Variants in IL1RAPL1 observed in about 807,000 individuals in gnomAD.
IL1RAPL1 encodes interleukin-1 receptor accessory protein-like 1.
Under a neutral mutation model 48.4 loss-of-function variants are expected in IL1RAPL1, and 3 were observed. The observed-to-expected ratio is 0.06, with a 90% CI of 0.03 to 0.16. The LOEUF (loss-of-function observed/expected upper bound fraction) is 0.16. Ranked by LOEUF, IL1RAPL1 falls within the 10% of genes least tolerant of loss-of-function variation. IL1RAPL1 has a pLI of 1.00. For synonymous variants in IL1RAPL1, 185 were observed against 187.7 expected (o/e 0.99, Z 0.12); for missense variants, 349 against 530.6 (o/e 0.66, Z 3.36).
At chrX:29,372,773 CTTTTTTTTT>C (rs1160543169) in intron 3 of IL1RAPL1, among the ~76,000 whole-genome samples, 1 of 63,487 alleles carries the variant, frequency 1.6e-5, no homozygotes, top group African/African-American at 6.3e-5. Flanking sequence ...GTCTATGTGT[CTTTTTTTTT>C]TTTTTTTTTT....
intron 5 of IL1RAPL1, among the ~76,000 whole-genome samples, chrX:29,513,852 T>G (rs1935418992): frequency 8.9e-6 from 1 of 112,062 alleles, no homozygotes; most frequent in Non-Finnish European, 1.9e-5. Context: ...ATGTAATACA[T>G]TTTTGACTAA....
intron 2 of IL1RAPL1, among the ~76,000 whole-genome samples, chrX:28,823,737 C>T (rs1412633936): frequency 9.0e-6 from 1 of 111,267 alleles, no homozygotes; most frequent in Non-Finnish European, 1.9e-5. Context: ...GCTCCTTCCT[C>T]CCTCACTCCA....
intron 2 of IL1RAPL1, among the ~76,000 whole-genome samples, chrX:29,108,874 T>C (rs1375116800): frequency 5.4e-5 from 6 of 111,496 alleles, no homozygotes; most frequent in Non-Finnish European, 1.1e-4. Context: ...TTATGCAATG[T>C]GATTCAATGA....
At position 29,730,428 on chromosome X, in the gene IL1RAPL1, G is replaced by A. The variant is rs756049954; in HGVS notation, c.778+61924G>A. 4.5e-5 allele frequency among the ~76,000 whole-genome samples: 5 copies of A among 111,575 alleles called. No individual in the cohort carries two copies. The South Asian group carries it at 1.9e-3, about 42-fold the overall frequency. On this transcript the variant is annotated intron_variant, in intron 6 of 10. Transcript: ENST00000378993. Reference sequence around the variant, plus strand: ...TTTCTATTTCTTAAATAAATCTCATGGTTTTCTGACTTCTCCAAGGTCCTC... The same window carrying A: ...TTTCTATTTCTTAAATAAATCTCATAGTTTTCTGACTTCTCCAAGGTCCTC...
intron 5 of IL1RAPL1, among the ~76,000 whole-genome samples, chrX:29,592,714 G>A (rs939779328): frequency 9.0e-6 from 1 of 111,551 alleles, no homozygotes; most frequent in Non-Finnish European, 1.9e-5. Context: ...CAGCACTTTT[G>A]TCATCGTTTT....
chrX:29,174,144 G>A (rs900194135), intron 2 of IL1RAPL1, among the ~76,000 whole-genome samples: 1 of 110,151 alleles, frequency 9.1e-6, no homozygotes, highest in Admixed American at 9.7e-5. Context: ...GGCTGGTCTC[G>A]AACTCCCAAC....
chrX:28,711,488 C>T (rs774681693), intron 1 of IL1RAPL1, among the ~76,000 whole-genome samples: 3 of 110,020 alleles, frequency 2.7e-5, no homozygotes, highest in Admixed American at 9.8e-5. Flanking sequence ...AATTTGAGAG[C>T]TATCAGCGTA....
intron 6 of IL1RAPL1, among the ~76,000 whole-genome samples, chrX:29,719,689 C>T (rs1043532019): frequency 1.7e-4 from 17 of 99,052 alleles, no homozygotes; most frequent in Non-Finnish European, 3.0e-4. Context: ...TGTTCTCTAA[C>T]TATTCCCAGA....
At chrX:29,330,159 T>G (rs1932873148) in intron 3 of IL1RAPL1, among the ~76,000 whole-genome samples, 1 of 112,080 alleles carries the variant, frequency 8.9e-6, no homozygotes, top group South Asian at 3.7e-4. Flanking sequence ...AATGGATGAA[T>G]GATATGGTAT....
chrX:29,516,942 C>G (rs1003734269), intron 5 of IL1RAPL1, among the ~76,000 whole-genome samples: 1 of 111,542 alleles, frequency 9.0e-6, no homozygotes, highest in Non-Finnish European at 1.9e-5. Context: ...CATTTGTTTG[C>G]TCACTTTTAT....
chrX:29,850,839 G>A (rs1931351320), intron 6 of IL1RAPL1, among the ~76,000 whole-genome samples: 1 of 112,247 alleles, frequency 8.9e-6, no homozygotes, highest in South Asian at 3.7e-4. Context: ...TTGGCTATTA[G>A]TTGTTCCCAC....
chrX:29,324,485 C>T (rs769844099), intron 3 of IL1RAPL1, among the ~76,000 whole-genome samples: 1 of 111,701 alleles, frequency 9.0e-6, no homozygotes, highest in East Asian at 2.8e-4. Context: ...TTCTTCTTGA[C>T]CTCTCTGTGC....
At chrX:29,610,294 T>C (rs1438593952) in intron 5 of IL1RAPL1, among the ~76,000 whole-genome samples, 1 of 111,558 alleles carries the variant, frequency 9.0e-6, no homozygotes, top group African/African-American at 3.3e-5. Flanking sequence ...TTTGTTGAGA[T>C]GGTAGGAAGT....
intron 1 of IL1RAPL1, among the ~76,000 whole-genome samples, chrX:28,619,160 T>G (rs1443408807): frequency 8.9e-6 from 1 of 112,357 alleles, no homozygotes; most frequent in Non-Finnish European, 1.9e-5. Context: ...CATATGTCCC[T>G]CTTATCCTTT....
chrX:29,647,072 G>A (rs1349695841), intron 5 of IL1RAPL1, among the ~76,000 whole-genome samples: 9 of 112,427 alleles, frequency 8.0e-5, no homozygotes, highest in East Asian at 2.8e-4. Flanking sequence ...ACTCTAGGCC[G>A]AGCGTGGTGG....
At chrX:28,632,831 G>A (rs775710492) in intron 1 of IL1RAPL1, among the ~76,000 whole-genome samples, 1 of 108,087 alleles carries the variant, frequency 9.3e-6, no homozygotes, top group South Asian at 4.0e-4. Context: ...TGCAACTATA[G>A]CCAACTTGTT....
At chrX:29,420,803 T>C (rs1934281851) in intron 5 of IL1RAPL1, among the ~76,000 whole-genome samples, 1 of 112,499 alleles carries the variant, frequency 8.9e-6, no homozygotes, top group Admixed American at 9.4e-5. Context: ...TTAGTAATTA[T>C]TTGAGAGCTT....
At chrX:29,275,940 T>C (rs1336477614) in intron 2 of IL1RAPL1, among the ~76,000 whole-genome samples, 1 of 112,474 alleles carries the variant, frequency 8.9e-6, no homozygotes, top group Non-Finnish European at 1.9e-5. Flanking sequence ...TTTAAAGACC[T>C]TTTGTAACTT....
chrX:29,419,894 G>A (rs1205077782), intron 5 of IL1RAPL1, among the ~76,000 whole-genome samples: 1 of 111,752 alleles, frequency 8.9e-6, no homozygotes, highest in African/African-American at 3.3e-5. Flanking sequence ...AGCTGTTGCT[G>A]TGGAGCAGCT....
Sources: gnomAD v4.1 joint callset for allele counts (sites outside exome capture counted in the v4.1 genomes callset) on GRCh38, gnomAD v4.1.1 for gene constraint, MANE v1.5 for transcripts, NCBI Gene and HGNC (gene_info 2026-07-23, HGNC 2026-07-21) for gene names.